Variants in SLC12A7 observed in about 807,000 individuals in gnomAD.
SLC12A7 encodes the protein K-Cl cotransporter 4.
A neutral mutation model predicts 120.6 loss-of-function variants in SLC12A7; 100 were observed. The ratio of observed to expected loss-of-function variants is 0.83; its 90% CI spans 0.71 to 0.98. SLC12A7 has a LOEUF of 0.98. Among genes scored for constraint, SLC12A7 ranks in the 50% least tolerant of loss-of-function variants. The pLI is 0.00. For missense variants in SLC12A7, 1,373 were observed against 1,548.1 expected (o/e 0.89, Z 1.90); for synonymous variants, 760 against 678.0 (o/e 1.12, Z -1.88).
At position 1,074,605 on chromosome 5, in the gene SLC12A7, C is replaced by T. The variant is rs370692691; in HGVS notation, c.2034G>A (p.Leu678=). 5.0e-6 allele frequency: 8 copies of T among 1,612,822 alleles called. No individual in the cohort carries two copies. The change falls in exon 16 of 24, where the codon CTG becomes CTA. Residue 678 remains leucine, a synonymous_variant. Coordinates refer to ENST00000264930, the MANE Select transcript of SLC12A7 (RefSeq NM_006598.3). The stretch of plus-strand genomic sequence containing the variant: ...TGTGGGGGGGACCGTGCTCCACGCG[C>T]AGCAGGGCGTAGCGGGCGGCGTTCA... ...LSLNAARYAL[L]RVEHGPPHTK...
chr5:1,085,211 C>A, intron 7 of SLC12A7, 21 bp downstream of exon 7: 1 of 1,610,402 alleles, frequency 6.2e-7, no homozygotes, highest in Non-Finnish European at 8.5e-7. Context: ...CCACCCACGG[C>A]TCAGAGGCCC....
At chr5:1,088,495 G>T (rs567730993) in intron 4 of SLC12A7, 135 bp from the exon 5 acceptor site, 39 of 939,090 alleles carry the variant, frequency 4.2e-5, no homozygotes, top group Non-Finnish European at 6.3e-5. Flanking sequence ...CATCTCAATG[G>T]AGTGGCTAGG....
the SLC12A7 span, among the ~76,000 whole-genome samples, chr5:1,129,422 C>T: frequency 6.6e-6 from 1 of 152,162 alleles, no homozygotes; most frequent in African/African-American, 2.4e-5. Flanking sequence ...ATCCCAGGCC[C>T]ACAAGGGCCA....
chr5:1,137,319 G>T, the SLC12A7 span, among the ~76,000 whole-genome samples: 1 of 151,974 alleles, frequency 6.6e-6, no homozygotes, highest in Non-Finnish European at 1.5e-5. Flanking sequence ...CAAGGACTCC[G>T]AAGGACAAGG....
At chr5:1,056,257 G>A (rs1446011985) in intron 22 of SLC12A7, among the ~76,000 whole-genome samples, 5 of 152,180 alleles carry the variant, frequency 3.3e-5, no homozygotes, top group Admixed American at 1.3e-4. Context: ...ACTCACTGAC[G>A]GGCCCTGCGA....
intron 6 of SLC12A7, 29 bp downstream of exon 6, chr5:1,086,874 T>C: frequency 6.2e-7 from 1 of 1,609,014 alleles, no homozygotes; most frequent in Non-Finnish European, 8.5e-7. Flanking sequence ...GACTGTGGGG[T>C]GGGAACCCTT....
the SLC12A7 span, among the ~76,000 whole-genome samples, chr5:1,144,288 G>T: frequency 2.6e-5 from 4 of 152,228 alleles, no homozygotes; most frequent in Non-Finnish European, 4.4e-5. Flanking sequence ...CCACAAGGCA[G>T]GGGCCCACGT....
intron 1 of SLC12A7, among the ~76,000 whole-genome samples, chr5:1,104,424 C>A (rs1214944921): frequency 6.6e-6 from 1 of 152,230 alleles, no homozygotes; most frequent in Admixed American, 6.5e-5. Flanking sequence ...GCCAGCGGGG[C>A]TACCCCACCA....
rs902885360 is a variant in SLC12A7 at position 1,053,583 on chromosome 5, A to G, written c.3027-101T>C. On this transcript the variant is annotated intron_variant, in intron 22 of 23. Coordinates refer to ENST00000264930, the MANE Select transcript of SLC12A7 (RefSeq NM_006598.3). ...GATGAGCTGCATTCACACGTGTTGGAAAGGGCTGTGTGAGTCAGGATCAGG... is the reference window on the plus strand; with the variant it reads ...GATGAGCTGCATTCACACGTGTTGGGAAGGGCTGTGTGAGTCAGGATCAGG... 6 of 1,448,708 alleles carry G rather than the reference A, an allele frequency of 4.1e-6. No homozygotes were observed. The South Asian group carries it at 5.3e-5, about 13-fold the overall frequency. The allele number at this position is 1,448,708 out of a possible 1,614,324, so 89.7% of individuals were successfully genotyped here. A position where few individuals can be genotyped will look rare whatever the true frequency, so the allele number is the denominator to read the frequency against.
intron 1 of SLC12A7, among the ~76,000 whole-genome samples, chr5:1,094,499 C>T (rs1192551733): frequency 6.6e-6 from 1 of 152,188 alleles, no homozygotes; most frequent in Non-Finnish European, 1.5e-5. Flanking sequence ...ATCCCCAGAA[C>T]ACAAGCTATC....
At chr5:1,055,892 G>A (rs79026744) in intron 22 of SLC12A7, among the ~76,000 whole-genome samples, 3 of 152,178 alleles carry the variant, frequency 2.0e-5, no homozygotes, top group East Asian at 3.9e-4. Context: ...TTCAGGTTTC[G>A]GGGTTAAAGA....
chr5:1,107,456 C>G (rs1742615946), intron 1 of SLC12A7, among the ~76,000 whole-genome samples: 1 of 152,228 alleles, frequency 6.6e-6, no homozygotes, highest in African/African-American at 2.4e-5. Flanking sequence ...ACGGCCCACT[C>G]ACTGCCGGGC....
chr5:1,090,250 A>AGGCTGG (rs1740348595), intron 3 of SLC12A7, among the ~76,000 whole-genome samples: 2 of 152,172 alleles, frequency 1.3e-5, no homozygotes, highest in Admixed American at 1.3e-4. Flanking sequence ...AGACTGGCCA[A>AGGCTGG]GGCTGGGGCC....
chr5:1,060,100 C>T, intron 21 of SLC12A7, among the ~76,000 whole-genome samples: 1 of 152,354 alleles, frequency 6.6e-6, no homozygotes, highest in South Asian at 2.1e-4. Context: ...TGGCAGGCTG[C>T]CGTTCCTCTA....
the SLC12A7 span, among the ~76,000 whole-genome samples, chr5:1,128,207 C>A: frequency 1.3e-5 from 2 of 152,222 alleles, no homozygotes; most frequent in African/African-American, 4.8e-5. Flanking sequence ...GTGGTCTCAA[C>A]CTGGCGGGAA....
the SLC12A7 span, among the ~76,000 whole-genome samples, chr5:1,147,324 G>A: frequency 5.1e-5 from 7 of 136,186 alleles, no homozygotes; most frequent in Admixed American, 1.8e-4. Flanking sequence ...ATCCAAAGAC[G>A]GCAGAACAGA....
upstream of SLC12A7, among the ~76,000 whole-genome samples, chr5:1,114,748 C>T (rs1185813401): frequency 6.6e-6 from 1 of 152,076 alleles, no homozygotes; most frequent in Non-Finnish European, 1.5e-5. Flanking sequence ...GGTCCAGTCC[C>T]CTGGCAAGGC....
chr5:1,088,714 AC>A (rs2150868770), intron 4 of SLC12A7, among the ~76,000 whole-genome samples: 1 of 152,342 alleles, frequency 6.6e-6, no homozygotes, highest in African/African-American at 2.4e-5. Flanking sequence ...GTCCGCAGAC[AC>A]GGGTAAATGA....
rs367891306 is a variant in SLC12A7, at chr5:1,081,071, GAGAGAC to G, written c.1297+500_1297+505del. Among the ~76,000 whole-genome samples, 21 of 29,246 alleles carry G rather than the reference GAGAGAC, an allele frequency of 7.2e-4. No individual in the cohort carries two copies. In the South Asian group the frequency reaches 0.021, roughly 29 times the overall value. 19.2% of individuals were successfully genotyped at this position (29,246 alleles called of 152,430 possible). A position where few individuals can be genotyped will look rare whatever the true frequency, so the allele number is the denominator to read the frequency against. ...AAGAAGAGGGAGACAGAGAGAGAGA[GAGAGAC>G]AGACAGAGAGAGAGGGAAAAGGGTA... On this transcript the variant is annotated intron_variant, in intron 9 of 23. Transcript: ENST00000264930.
Sources: gnomAD v4.1 joint callset for allele counts (sites outside exome capture counted in the v4.1 genomes callset) on GRCh38, gnomAD v4.1.1 for gene constraint, MANE v1.5 for transcripts, NCBI Gene and HGNC (gene_info 2026-07-23, HGNC 2026-07-21) for gene names.